Variants in SGIP1 observed in about 807,000 individuals in gnomAD.
SGIP1 encodes SH3-containing GRB2-like protein 3-interacting protein 1.
In SGIP1, 38 loss-of-function variants were observed where a neutral mutation model predicts 107.5. The ratio of observed to expected loss-of-function variants is 0.35; its 90% CI spans 0.27 to 0.46. The LOEUF (loss-of-function observed/expected upper bound fraction) is 0.46. Ranked by LOEUF, SGIP1 falls within the 20% of genes least tolerant of loss-of-function variation. The pLI, the probability that SGIP1 is intolerant of heterozygous loss-of-function variation, is 1.00. For synonymous variants in SGIP1, 365 were observed against 366.1 expected (o/e 1.00, Z 0.03); for missense variants, 929 against 1,019.5 (o/e 0.91, Z 1.21).
At chr1:66,667,180 C>T (rs187607830) in intron 8 of SGIP1, among the ~76,000 whole-genome samples, 1 of 141,696 alleles carries the variant, frequency 7.1e-6, no homozygotes, top group South Asian at 2.2e-4. Context: ...TCTCTAAGTA[C>T]CCCCCCCCAA....
At chr1:66,590,112 G>A (rs1279224037) in intron 1 of SGIP1, among the ~76,000 whole-genome samples, 1 of 152,134 alleles carries the variant, frequency 6.6e-6, no homozygotes, top group East Asian at 1.9e-4. Flanking sequence ...TCAAAATGAT[G>A]TCATTCAGTC....
At chr1:66,595,482 CT>C (rs1205511514) in intron 1 of SGIP1, among the ~76,000 whole-genome samples, 3 of 152,310 alleles carry the variant, frequency 2.0e-5, no homozygotes, top group African/African-American at 7.2e-5. Context: ...TGTGCTGTTT[CT>C]ATTAATCAAG....
chr1:66,671,452 T>C (rs930132676), intron 10 of SGIP1, among the ~76,000 whole-genome samples: 2 of 152,158 alleles, frequency 1.3e-5, no homozygotes, highest in Admixed American at 6.5e-5. Flanking sequence ...ATAATACACA[T>C]AGGGCACAAT....
At chr1:66,690,603 G>C (rs1042269233) in intron 17 of SGIP1, 6 of 264,216 alleles carry the variant, frequency 2.3e-5, no homozygotes, top group Non-Finnish European at 4.2e-5. Flanking sequence ...CGCCAAGGAA[G>C]GTCTTGTAAT....
At chr1:66,680,921 TC>T (rs1259899793) in intron 14 of SGIP1, among the ~76,000 whole-genome samples, 1 of 152,216 alleles carries the variant, frequency 6.6e-6, no homozygotes, top group African/African-American at 2.4e-5. Flanking sequence ...AAAGTGCAGT[TC>T]TTCATACAGA....
rs901216932 is a variant in SGIP1, at chr1:66,750,568, G to A, written c.*7473G>A. 6.6e-6 allele frequency among the ~76,000 whole-genome samples: 1 copy of A among 152,080 alleles called. No individual in the cohort carries two copies. Among genetic ancestry groups the A allele is most frequent in the African/African-American group, 2.4e-5 (1 of 41,384 alleles). ...GTACATAATTTCACAAAAATACCTT[G>A]GGCATAAAATACTTACAAAACTGTG... On this transcript the variant is annotated 3_prime_UTR_variant, in exon 25 of 25. Coordinates refer to ENST00000371037, the MANE Select transcript of SGIP1 (RefSeq NM_032291.4).
intron 1 of SGIP1, among the ~76,000 whole-genome samples, chr1:66,558,811 A>C (rs1481030030): frequency 6.6e-6 from 1 of 151,174 alleles, no homozygotes; most frequent in Non-Finnish European, 1.5e-5. Flanking sequence ...AAAAAAAAAA[A>C]CCTTCTACAG....
chr1:66,733,362 A>G (rs2094103335), intron 20 of SGIP1, among the ~76,000 whole-genome samples: 1 of 152,204 alleles, frequency 6.6e-6, no homozygotes, highest in African/African-American at 2.4e-5. Flanking sequence ...TTCAAAAGTA[A>G]ATAAACGTAT....
intron 17 of SGIP1, chr1:66,694,557 C>T: frequency 2.8e-6 from 4 of 1,426,594 alleles, no homozygotes; most frequent in Non-Finnish European, 2.8e-6. Context: ...AAATCCAAGC[C>T]ATTATCCATC....
chr1:66,545,456 A>T (rs2148138595), intron 1 of SGIP1, among the ~76,000 whole-genome samples: 1 of 152,324 alleles, frequency 6.6e-6, no homozygotes, highest in East Asian at 1.9e-4. Flanking sequence ...ATCCAGCTTA[A>T]ACCTGTGTGT....
intron 1 of SGIP1, among the ~76,000 whole-genome samples, chr1:66,623,723 G>A (rs2071834692): frequency 6.6e-6 from 1 of 152,208 alleles, no homozygotes; most frequent in South Asian, 2.1e-4. Flanking sequence ...GTGAAGGTGT[G>A]CAGATTCTTT....
chr1:66,655,651 T>A (rs1438939594), intron 7 of SGIP1, among the ~76,000 whole-genome samples: 1 of 152,222 alleles, frequency 6.6e-6, no homozygotes, highest in Non-Finnish European at 1.5e-5. Flanking sequence ...CATGTTACTA[T>A]GTTGAATACC....
At chr1:66,690,895 TG>T (rs1412755753) in intron 17 of SGIP1, among the ~76,000 whole-genome samples, 2 of 152,184 alleles carry the variant, frequency 1.3e-5, no homozygotes, top group African/African-American at 4.8e-5. Context: ...TTTCAGGAAA[TG>T]CCTTTATGCC....
chr1:66,637,445 GTGTGTGTGTT>G (rs112490743), intron 4 of SGIP1, among the ~76,000 whole-genome samples: 10,458 of 71,476 alleles, frequency 0.15, 916 homozygotes, highest in East Asian at 0.47. Flanking sequence ...AAAGCCGTGT[GTGTGTGTGTT>G]TGTGTGTGTG....
intron 19 of SGIP1, among the ~76,000 whole-genome samples, chr1:66,726,533 C>G (rs1188364546): frequency 6.6e-6 from 1 of 152,094 alleles, no homozygotes; most frequent in Non-Finnish European, 1.5e-5. Context: ...AAAAAATAGA[C>G]CAAATAAATC....
intron 15 of SGIP1, 151 bp downstream of exon 15, chr1:66,682,520 C>G: frequency 2.1e-6 from 2 of 960,038 alleles, no homozygotes; most frequent in South Asian, 1.6e-5. Flanking sequence ...ACAGCATGTC[C>G]TAGTCCATCA....
At chr1:66,678,109 A>G (rs1417246356) in intron 13 of SGIP1, among the ~76,000 whole-genome samples, 1 of 152,214 alleles carries the variant, frequency 6.6e-6, no homozygotes, top group African/African-American at 2.4e-5. Flanking sequence ...AAACTTCTGA[A>G]CTTTGAAAAA....
At chr1:66,660,018 G>GGAAA (rs2080783549) in intron 7 of SGIP1, 1 of 97,106 alleles carries the variant, frequency 1.0e-5, no homozygotes, top group African/African-American at 6.4e-5. Flanking sequence ...CAGACAGACA[G>GGAAA]GAAGGAAGGA....
At chr1:66,547,739 C>T (rs2056672915) in intron 1 of SGIP1, among the ~76,000 whole-genome samples, 2 of 152,102 alleles carry the variant, frequency 1.3e-5, no homozygotes, top group South Asian at 4.1e-4. Flanking sequence ...ATTAACAAAC[C>T]AAATGAATGA....
Sources: gnomAD v4.1 joint callset for allele counts (sites outside exome capture counted in the v4.1 genomes callset) on GRCh38, gnomAD v4.1.1 for gene constraint, MANE v1.5 for transcripts, NCBI Gene and HGNC (gene_info 2026-07-23, HGNC 2026-07-21) for gene names.